The following GET4 variants were observed in gnomAD, a reference collection of about 807,000 sequenced individuals.
GET4 encodes the protein Golgi to ER traffic protein 4 homolog.
Under a neutral mutation model 40.0 loss-of-function variants are expected in GET4, and 20 were observed. The observed-to-expected ratio is 0.50, with a 90% CI of 0.35 to 0.73. The LOEUF (loss-of-function observed/expected upper bound fraction) is 0.73, where lower values mean the gene tolerates loss of function less well. Among genes scored for constraint, GET4 ranks in the 30% least tolerant of loss-of-function variants. The pLI, the probability that GET4 is intolerant of heterozygous loss-of-function variation, is 0.01. For synonymous variants in GET4, 280 were observed against 194.6 expected (o/e 1.44, Z -3.65); for missense variants, 557 against 454.0 (o/e 1.23, Z -2.06).
At chr7:885,870 C>G (rs1381941993) in intron 1 of GET4, 186 bp from the exon 2 acceptor site, 1 of 598,460 alleles carries the variant, frequency 1.7e-6, no homozygotes, top group Non-Finnish European at 3.0e-6. Context: ...CCCCATGCAG[C>G]CCTCATGGTC....
intron 5 of GET4, among the ~76,000 whole-genome samples, chr7:891,891 G>A (rs923205682): frequency 7.2e-5 from 11 of 152,258 alleles, no homozygotes; most frequent in East Asian, 1.9e-4. Context: ...GTGGGTCCTC[G>A]AACAGAAGCC....
rs1012693401 is a variant in GET4, at chr7:876,651, G to T, written c.6G>T (p.Ala2=). Residue 2 remains alanine, a synonymous_variant, in exon 1 of 9, where the codon GCG becomes GCT. Coordinates refer to ENST00000265857, the MANE Select transcript of GET4 (RefSeq NM_015949.3). M[A]AAAAMAEQES... ...CTGCGCGGAGCGCCGGCCCGATGGC[G>T]GCGGCGGCGGCGATGGCCGAGCAGG... The T allele has an allele frequency of 2.4e-6, 3 of 1,273,498 alleles. No individual in the cohort carries two copies. Among genetic ancestry groups the T allele is most frequent in the East Asian group, 3.7e-5 (1 of 27,194 alleles). 78.9% of individuals were successfully genotyped at this position (1,273,498 alleles called of 1,614,324 possible). A position where few individuals can be genotyped will look rare whatever the true frequency, so the allele number is the denominator to read the frequency against.
chr7:878,458 G>C (rs968309634), intron 1 of GET4: 3 of 447,492 alleles, frequency 6.7e-6, no homozygotes, highest in African/African-American at 6.0e-5. Context: ...TTTTCCATGG[G>C]GTACCTTCTA....
At chr7:879,273 C>T (rs1006537322) in intron 1 of GET4, among the ~76,000 whole-genome samples, 6 of 152,238 alleles carry the variant, frequency 3.9e-5, no homozygotes, top group African/African-American at 1.4e-4. Flanking sequence ...CCTGGGTAAG[C>T]GAGTGGCCGG....
At position 890,935 on chromosome 7, in the gene GET4, C is replaced by T. The variant is rs774764480; in HGVS notation, c.474C>T (p.Asn158=). The T allele has an allele frequency of 1.8e-5, 29 of 1,604,304 alleles. No individual in the cohort carries two copies. In the East Asian group the frequency reaches 2.5e-4, roughly 14 times the overall value. The change falls in exon 5 of 9, where the codon AAC becomes AAT. Residue 158 remains asparagine, a synonymous_variant. Transcript: ENST00000265857. ...TCTGTCTTTCCTTTGCAGAACAAAA[C>T]TATTGTGAGTCGAGGTATCATTTTC... The part of the protein sequence containing the change: ...LLALTLWKEQ[N]YCESRYHFLH...
intron 1 of GET4, chr7:883,719 C>A: frequency 1.0e-6 from 1 of 986,086 alleles, no homozygotes; most frequent in South Asian, 4.7e-5. Flanking sequence ...CCCCCACTCT[C>A]CCCGGCCTCG....
intron 1 of GET4, among the ~76,000 whole-genome samples, chr7:879,609 T>C (rs796799155): frequency 2.0e-5 from 3 of 152,348 alleles, no homozygotes; most frequent in African/African-American, 4.8e-5. Flanking sequence ...AATTTTCTAT[T>C]AACCTCAACA....
chr7:878,925 A>G (rs1844027218), intron 1 of GET4, among the ~76,000 whole-genome samples: 2 of 151,966 alleles, frequency 1.3e-5, no homozygotes, highest in African/African-American at 2.4e-5. Flanking sequence ...AGCAAAATGG[A>G]GTGTGGTGTG....
intron 8 of GET4, 32 bp downstream of exon 8, chr7:894,003 C>G: frequency 6.7e-7 from 1 of 1,485,864 alleles, no homozygotes; most frequent in Non-Finnish European, 9.2e-7. Flanking sequence ...ACACCCACTC[C>G]AGCCCTGGGT....
chr7:894,866 C>T (rs982373928), intron 8 of GET4, among the ~76,000 whole-genome samples: 2 of 152,230 alleles, frequency 1.3e-5, no homozygotes, highest in African/African-American at 4.8e-5. Flanking sequence ...ATGACAGTGA[C>T]CGCAGTTGGC....
intron 1 of GET4, chr7:880,144 C>T (rs999607513): frequency 6.6e-6 from 1 of 152,242 alleles, no homozygotes; most frequent in Admixed American, 6.5e-5. Flanking sequence ...GAGTTCAAGA[C>T]CAGCCTGGCC....
chr7:894,047 C>G (rs1040651079), intron 8 of GET4, 76 bp downstream of exon 8: 8 of 838,232 alleles, frequency 9.5e-6, no homozygotes, highest in Admixed American at 3.0e-5. Context: ...CCAGGCAGGT[C>G]CAGTGCGGTC....
chr7:878,960 C>T (rs961333816), intron 1 of GET4, among the ~76,000 whole-genome samples: 1 of 118,110 alleles, frequency 8.5e-6, no homozygotes, highest in African/African-American at 3.1e-5. Flanking sequence ...TTTGGACAGC[C>T]TCCTGCCCCA....
At chr7:891,127 G>C in intron 5 of GET4, 61 bp downstream of exon 5, 2 of 1,389,660 alleles carry the variant, frequency 1.4e-6, no homozygotes, top group Non-Finnish European at 2.0e-6. Context: ...GGCAGCCTTA[G>C]AACAGGTCCC....
intron 8 of GET4, among the ~76,000 whole-genome samples, chr7:894,546 G>A (rs988559380): frequency 4.6e-5 from 7 of 152,186 alleles, no homozygotes; most frequent in East Asian, 1.9e-4. Flanking sequence ...TGTCCTCCCC[G>A]GATGCCCCCC....
intron 1 of GET4, chr7:881,596 CT>C (rs1844088457): frequency 1.3e-5 from 2 of 152,174 alleles, no homozygotes; most frequent in Non-Finnish European, 2.9e-5. Context: ...CCAAAAGATA[CT>C]GTTTGTTGAC....
At position 892,332 on chromosome 7, in the gene GET4, C is replaced by T. The variant is rs1324108968; in HGVS notation, c.660C>T (p.Thr220=). The change falls in exon 6 of 9, where the codon ACC becomes ACT. Residue 220 remains threonine, a synonymous_variant. Coordinates refer to ENST00000265857, the MANE Select transcript of GET4 (RefSeq NM_015949.3). ...SSASVVFTTY[T]QKHPSIEDGP... The stretch of plus-strand genomic sequence containing the variant: ...CATCGGTGGTCTTCACGACGTACAC[C>T]CAGAAGCACCCGTCCATCGAGGACG... 2 of 1,596,614 alleles carry T rather than the reference C, an allele frequency of 1.3e-6. No individual in the cohort carries two copies. Among genetic ancestry groups the T allele is most frequent in the Non-Finnish European group, 1.7e-6 (2 of 1,165,222 alleles).
intron 1 of GET4, chr7:884,083 A>G (rs1844139662): frequency 8.4e-7 from 1 of 1,190,408 alleles, no homozygotes; most frequent in Non-Finnish European, 1.1e-6. Flanking sequence ...CCTTCCAGGG[A>G]GTCCTTTTTT....
intron 5 of GET4, 75 bp downstream of exon 5, chr7:891,141 G>A: frequency 8.3e-7 from 1 of 1,210,476 alleles, no homozygotes; most frequent in Non-Finnish European, 1.2e-6. Flanking sequence ...AGGTCCCCTT[G>A]TCCCCTGTCC....
Sources: gnomAD v4.1 joint callset for allele counts (sites outside exome capture counted in the v4.1 genomes callset) on GRCh38, gnomAD v4.1.1 for gene constraint, MANE v1.5 for transcripts, NCBI Gene and HGNC (gene_info 2026-07-23, HGNC 2026-07-21) for gene names.